Variants in TRAPPC8 observed in about 807,000 individuals in gnomAD.
TRAPPC8 encodes general sporulation gene 1 homolog.
In TRAPPC8, 54 loss-of-function variants were observed where a neutral mutation model predicts 174.3. That is an observed-to-expected ratio of 0.31 (90% CI 0.25 to 0.39). The LOEUF (loss-of-function observed/expected upper bound fraction) is 0.39, where lower values mean the gene tolerates loss of function less well. TRAPPC8 is among the 10% of genes least tolerant of loss of function. TRAPPC8 has a pLI of 1.00. For synonymous variants in TRAPPC8, 630 were observed against 579.9 expected, an observed-to-expected ratio of 1.09 and a Z score of -1.24; for missense variants, 1,531 against 1,699.1, an observed-to-expected ratio of 0.90 and a Z score of 1.74.
chr18:31,856,040 A>C (rs1321460000), intron 20 of TRAPPC8, among the ~76,000 whole-genome samples: 1 of 152,298 alleles, frequency 6.6e-6, no homozygotes, highest in Non-Finnish European at 1.5e-5. Flanking sequence ...TGCCCTGCTT[A>C]TCAAATTCAT....
Position 31,866,953 on chromosome 18 carries a change from T to C in TRAPPC8, c.2486A>G (p.His829Arg), listed in dbSNP as rs1428558945. Residue 829 changes from histidine (H) to arginine (R), a missense_variant, in exon 18 of 29, where the codon CAT (histidine) becomes CGT (arginine). His to Arg is a conservative substitution (Grantham distance 29). Coordinates refer to ENST00000283351, the MANE Select transcript of TRAPPC8 (RefSeq NM_014939.5). Reference sequence around the variant, plus strand: ...CAGAATATGCAGCTCCCCTATGTGATGGGGAAAGAGCTTTAGTCTTGCCTG... The same window carrying C: ...CAGAATATGCAGCTCCCCTATGTGACGGGGAAAGAGCTTTAGTCTTGCCTG... ...SKVARLKLFPHHIGELHILGV... is the reference protein window; with the variant it reads ...SKVARLKLFPRHIGELHILGV... 1.2e-6 allele frequency: 2 copies of C among 1,613,504 alleles called. No homozygotes were observed. The highest frequency in any genetic ancestry group is 1.6e-4 in the Middle Eastern group (1 of 6,078).
chr18:31,860,698 G>C (rs1224871047), intron 19 of TRAPPC8, among the ~76,000 whole-genome samples: 2 of 152,178 alleles, frequency 1.3e-5, no homozygotes, highest in East Asian at 3.9e-4. Flanking sequence ...TATGATAAAT[G>C]GTCTATTAGC....
chr18:31,861,831 C>G (rs1183128694), intron 19 of TRAPPC8, among the ~76,000 whole-genome samples: 1 of 145,036 alleles, frequency 6.9e-6, no homozygotes, highest in African/African-American at 2.6e-5. Context: ...CCCAGCTATT[C>G]AGGAAGAACA....
chr18:31,873,558 G>A lies in TRAPPC8; in HGVS notation c.1954-20C>T, dbSNP rs1458593038. ...TACATTCTGAGAGAAATATAAAAGG[G>A]AAAAAAAGTAGTTTTTGTGAAAATG... On this transcript the variant is annotated intron_variant, in intron 13 of 28. Coordinates refer to ENST00000283351, the MANE Select transcript of TRAPPC8 (RefSeq NM_014939.5). 11 of 1,559,408 alleles carry A rather than the reference G, an allele frequency of 7.1e-6. No homozygotes were observed. The highest frequency in any genetic ancestry group is 1.4e-5 in the African/African-American group (1 of 72,624).
chr18:31,878,306 C>G (rs2035262869), intron 12 of TRAPPC8, among the ~76,000 whole-genome samples: 1 of 151,968 alleles, frequency 6.6e-6, no homozygotes, highest in Non-Finnish European at 1.5e-5. Flanking sequence ...AGAAACCTTA[C>G]CAACAAAAAG....
intron 12 of TRAPPC8, among the ~76,000 whole-genome samples, chr18:31,879,911 C>G (rs566359468): frequency 6.8e-6 from 1 of 147,032 alleles, no homozygotes; most frequent in African/African-American, 2.5e-5. Flanking sequence ...CAAGACTGAA[C>G]AAGGAAGAAA....
chr18:31,874,699 C>T lies in TRAPPC8; in HGVS notation c.1734G>A (p.Lys578=), dbSNP rs781102953. Residue 578 remains lysine (K), a synonymous_variant, in exon 13 of 29, where the codon AAG becomes AAA. Coordinates refer to ENST00000283351, the MANE Select transcript of TRAPPC8 (RefSeq NM_014939.5). ...GHRFSKAGQK[K]HALRCYCQAM... ...CTTGACAATAACAGCGTAAAGCATG[C>T]TTTTTCTGTAAGAAAATAAACAAAA... 6.2e-7 allele frequency: 1 copy of T among 1,608,456 alleles called. No individual in the cohort carries two copies. Among genetic ancestry groups the T allele is most frequent in the African/African-American group, 1.3e-5 (1 of 74,590 alleles).
intron 15 of TRAPPC8, 120 bp downstream of exon 15, chr18:31,870,806 T>G: frequency 1.1e-6 from 1 of 949,524 alleles, no homozygotes; most frequent in South Asian, 2.2e-5. Flanking sequence ...CAGTAAATTA[T>G]GAGTTCCTAA....
At position 31,870,382 on chromosome 18, in the gene TRAPPC8, ACTT is replaced by A. The variant is rs757545943; in HGVS notation, c.2375_2377del (p.Glu792del). On this transcript the variant is annotated inframe_deletion, in exon 16 of 29. Coordinates refer to ENST00000283351, the MANE Select transcript of TRAPPC8 (RefSeq NM_014939.5). ...CTTTTAATAACTTACTAGTTGTTTA[ACTT>A]CTTCATTATCCTTTCCACTGAAATC... is the stretch of plus-strand genomic sequence containing the variant. 6 of 1,607,388 alleles carry A rather than the reference ACTT, an allele frequency of 3.7e-6. No individual in the cohort carries two copies. The highest frequency in any genetic ancestry group is 2.2e-5 in the South Asian group (2 of 89,396).
At chr18:31,925,328 A>G (rs1568144340) in intron 2 of TRAPPC8, among the ~76,000 whole-genome samples, 1 of 152,150 alleles carries the variant, frequency 6.6e-6, no homozygotes, top group Non-Finnish European at 1.5e-5. Flanking sequence ...ACTATAACAT[A>G]AAACCTTAAT....
Position 31,935,548 on chromosome 18 carries a change from T to TAAAAAAAAAA in TRAPPC8, c.158-4035_158-4026dup, listed in dbSNP as rs10650702. On this transcript the variant is annotated intron_variant, in intron 1 of 28. Coordinates refer to ENST00000283351, the MANE Select transcript of TRAPPC8 (RefSeq NM_014939.5). ...GGGCAACAAGAGCGAAACTCCATCT[T>TAAAAAAAAAA]AAAAAAAAAAAAAAAAAAAAGCAGG... 1.3e-3 allele frequency among the ~76,000 whole-genome samples: 61 copies of TAAAAAAAAAA among 46,268 alleles called. 3 individuals are homozygous for TAAAAAAAAAA. The highest frequency in any genetic ancestry group is 4.0e-3 in the African/African-American group (36 of 9,032). 30.4% of individuals were successfully genotyped at this position (46,268 alleles called of 152,430 possible). A position where few individuals can be genotyped will look rare whatever the true frequency, so the allele number is the denominator to read the frequency against.
chr18:31,865,353 T>C (rs956423219), intron 18 of TRAPPC8, among the ~76,000 whole-genome samples: 5 of 151,836 alleles, frequency 3.3e-5, no homozygotes, highest in African/African-American at 1.2e-4. Flanking sequence ...TTCCATGTAG[T>C]GCATGTATGT....
intron 3 of TRAPPC8, 46 bp downstream of exon 3, chr18:31,917,532 C>A: frequency 6.5e-7 from 1 of 1,534,828 alleles, no homozygotes; most frequent in Non-Finnish European, 8.9e-7. Context: ...AGATTAATAA[C>A]TTCCATAATA....
chr18:31,905,039 A>AGTATTTGCTGGTGG, intron 9 of TRAPPC8, among the ~76,000 whole-genome samples: 1 of 152,034 alleles, frequency 6.6e-6, no homozygotes, highest in African/African-American at 2.4e-5. Context: ...CAAAAAAAAA[A>AGTATTTGCTGGTGG]AAAAAGTCTG....
intron 19 of TRAPPC8, 65 bp from the exon 20 acceptor site, chr18:31,858,047 A>C (rs1598617076): frequency 3.1e-6 from 4 of 1,300,370 alleles, no homozygotes; most frequent in Non-Finnish European, 4.2e-6. Flanking sequence ...AATGAATAAC[A>C]CTTTAAGACA....
chr18:31,869,680 A>G (rs1364849717), intron 16 of TRAPPC8, among the ~76,000 whole-genome samples: 1 of 152,254 alleles, frequency 6.6e-6, no homozygotes, highest in African/African-American at 2.4e-5. Flanking sequence ...TTATGCAAAA[A>G]TAAAATATTA....
Position 31,864,766 on chromosome 18 carries a change from C to A in TRAPPC8, c.2606G>T (p.Ser869Ile). 3.1e-6 allele frequency: 5 copies of A among 1,605,368 alleles called. No individual in the cohort carries two copies. Among genetic ancestry groups the A allele is most frequent in the Non-Finnish European group, 4.2e-6 (5 of 1,177,120 alleles). The part of the protein sequence containing the change: ...PGCHTGKYSL[S>I]MSVRGKQDLE... ...ATCCTGCTTCCCTCGGACTGACATA[C>A]TCAAGGAATATTTTCCTGAAATAAA... Residue 869 changes from serine to isoleucine, a missense_variant, in exon 19 of 29, where the codon AGT (serine) becomes ATT (isoleucine). Coordinates refer to ENST00000283351, the MANE Select transcript of TRAPPC8 (RefSeq NM_014939.5).
chr18:31,853,980 T>C, intron 21 of TRAPPC8, 35 bp from the exon 22 acceptor site: 1 of 1,501,342 alleles, frequency 6.7e-7, no homozygotes, highest in Non-Finnish European at 9.1e-7. Flanking sequence ...ATTCAGGATT[T>C]AGAAGCACTA....
Position 31,853,892 on chromosome 18 carries a change from T to C in TRAPPC8, c.3390A>G (p.Lys1130=), listed in dbSNP as rs771972509. The C allele has an allele frequency of 1.9e-6, 3 of 1,611,674 alleles. No individual in the cohort carries two copies. The highest frequency in any genetic ancestry group is 2.5e-6 in the Non-Finnish European group (3 of 1,179,586). ...TTACAGATTTCTGTAACTTCCAGTG[T>C]TTGCTACTACTTGATACTTGCACTA... ...FHIVQVSSSS[K]HWKLQKSVNL... is the part of the protein sequence containing the mutation. Residue 1130 remains lysine, a synonymous_variant, in exon 22 of 29, where the codon AAA becomes AAG. Coordinates refer to ENST00000283351, the MANE Select transcript of TRAPPC8 (RefSeq NM_014939.5).
Sources: gnomAD v4.1 joint callset for allele counts (sites outside exome capture counted in the v4.1 genomes callset) on GRCh38, gnomAD v4.1.1 for gene constraint, MANE v1.5 for transcripts, NCBI Gene and HGNC (gene_info 2026-07-23, HGNC 2026-07-21) for gene names.